The following FER variants were observed in gnomAD, a reference collection of about 807,000 sequenced individuals.
The protein encoded by FER is FER tyrosine kinase.
FER carries 63 observed loss-of-function variants against 111.0 expected under a neutral mutation model. The observed-to-expected ratio is 0.57, with a 90% CI of 0.46 to 0.70. FER has a LOEUF of 0.70. FER is among the 30% of genes least tolerant of loss of function. The pLI is 0.00. For missense variants in FER, 914 were observed against 954.0 expected (o/e 0.96, Z 0.55); for synonymous variants, 327 against 313.9 (o/e 1.04, Z -0.44).
chr5:108,907,254 C>T (rs1750913289), intron 10 of FER, among the ~76,000 whole-genome samples: 1 of 151,816 alleles, frequency 6.6e-6, no homozygotes, highest in South Asian at 2.1e-4. Flanking sequence ...TTCCTCCCTC[C>T]TCTGCCTTCT....
At chr5:109,144,219 G>A (rs1468305428) in intron 17 of FER, among the ~76,000 whole-genome samples, 1 of 151,996 alleles carries the variant, frequency 6.6e-6, no homozygotes, top group Non-Finnish European at 1.5e-5. Flanking sequence ...TTTACCAATA[G>A]GTTTTTTTAA....
intron 17 of FER, among the ~76,000 whole-genome samples, chr5:109,135,426 C>T (rs1231412590): frequency 2.6e-5 from 4 of 152,198 alleles, no homozygotes; most frequent in Non-Finnish European, 5.9e-5. Context: ...TCCAAGTTTA[C>T]GCTCTTAATA....
chr5:109,008,099 A>G (rs1581624977), intron 13 of FER, among the ~76,000 whole-genome samples: 1 of 152,198 alleles, frequency 6.6e-6, no homozygotes, highest in African/African-American at 2.4e-5. Flanking sequence ...TTTGACAACC[A>G]CAGAAAGACA....
chr5:109,050,181 C>T (rs139268925), intron 16 of FER, among the ~76,000 whole-genome samples: 378 of 150,642 alleles, frequency 2.5e-3, no homozygotes, highest in African/African-American at 8.6e-3. Flanking sequence ...TCAGTAATAG[C>T]ATTACTGCTA....
chr5:109,098,654 T>A (rs1282440401), intron 16 of FER, among the ~76,000 whole-genome samples: 5 of 151,714 alleles, frequency 3.3e-5, no homozygotes, highest in African/African-American at 1.2e-4. Flanking sequence ...CCTATTAAAG[T>A]TGATAAATTA....
intron 17 of FER, among the ~76,000 whole-genome samples, chr5:109,107,518 G>T (rs72796571): frequency 0.32 from 48,647 of 151,768 alleles, 7,959 homozygotes; most frequent in Non-Finnish European, 0.37. Context: ...AGTGTCTGTT[G>T]TTCCATTCTT....
intron 13 of FER, among the ~76,000 whole-genome samples, chr5:108,990,623 G>A (rs1463844359): frequency 2.0e-5 from 3 of 151,668 alleles, no homozygotes; most frequent in Non-Finnish European, 3.0e-5. Flanking sequence ...TATTTGGGAA[G>A]TATTAATAGG....
At chr5:108,820,032 T>C in intron 3 of FER, 5 of 984,828 alleles carry the variant, frequency 5.1e-6, no homozygotes, top group Non-Finnish European at 6.0e-6. Flanking sequence ...GTCTAGGACA[T>C]GGAAAGGGAA....
chr5:108,921,048 C>G (rs922165309), intron 10 of FER, among the ~76,000 whole-genome samples: 1 of 152,016 alleles, frequency 6.6e-6, no homozygotes, highest in African/African-American at 2.4e-5. Flanking sequence ...TTCGTATGAC[C>G]AACTGCCTTC....
intron 3 of FER, among the ~76,000 whole-genome samples, chr5:108,813,554 C>T (rs1757977929): frequency 6.6e-6 from 1 of 151,998 alleles, no homozygotes; most frequent in Non-Finnish European, 1.5e-5. Flanking sequence ...TTACAGTTTA[C>T]TATGCTGTAT....
In FER at chr5:109,109,441, AC is replaced by A. The variant is rs781556476; in HGVS notation, c.2048+8923del. Reference sequence around the variant, plus strand: ...GGACATTGACTTTATTTTGTCCATTACTTAGTACTCAATACAGAGCTTCTAG... The same window carrying A: ...GGACATTGACTTTATTTTGTCCATTATTAGTACTCAATACAGAGCTTCTAG... On this transcript the variant is annotated intron_variant, in intron 17 of 19. Transcript: ENST00000281092. Among the ~76,000 whole-genome samples the A allele has an allele frequency of 1.1e-4, 17 of 152,194 alleles. No homozygotes were observed. In the South Asian group the frequency reaches 3.5e-3, roughly 32 times the overall value.
chr5:108,882,695 T>A (rs1201013796), intron 8 of FER, among the ~76,000 whole-genome samples: 2 of 151,938 alleles, frequency 1.3e-5, no homozygotes, highest in Admixed American at 6.6e-5. Context: ...CTTTTTTGTC[T>A]TTTGGGTTTC....
chr5:108,947,565 G>A (rs538173632), intron 11 of FER, among the ~76,000 whole-genome samples: 4 of 151,984 alleles, frequency 2.6e-5, no homozygotes, highest in Admixed American at 6.6e-5. Context: ...TGAGTTGTAA[G>A]AGTATATATT....
intron 17 of FER, among the ~76,000 whole-genome samples, chr5:109,146,039 C>G (rs1196779537): frequency 1.3e-5 from 2 of 150,520 alleles, no homozygotes; most frequent in Non-Finnish European, 3.0e-5. Context: ...GATGACATAC[C>G]AGGCAACCAA....
intron 17 of FER, among the ~76,000 whole-genome samples, chr5:109,113,802 T>G (rs535616511): frequency 6.6e-6 from 1 of 152,170 alleles, no homozygotes; most frequent in African/African-American, 2.4e-5. Flanking sequence ...CCTTTATAAA[T>G]GCTTACTCAT....
intron 13 of FER, among the ~76,000 whole-genome samples, chr5:109,034,925 T>C (rs1468656011): frequency 1.3e-5 from 2 of 152,030 alleles, no homozygotes; most frequent in African/African-American, 4.8e-5. Flanking sequence ...AAAGTACAGC[T>C]CTTTTATTTT....
At chr5:109,153,302 A>G (rs1054376895) in intron 17 of FER, among the ~76,000 whole-genome samples, 4 of 151,948 alleles carry the variant, frequency 2.6e-5, no homozygotes, top group Non-Finnish European at 5.9e-5. Flanking sequence ...CAATATAGTT[A>G]CATCTTCTGG....
intron 9 of FER, among the ~76,000 whole-genome samples, chr5:108,896,976 G>T (rs1749229920): frequency 6.6e-6 from 1 of 152,174 alleles, no homozygotes; most frequent in Non-Finnish European, 1.5e-5. Context: ...CAATGTGGGT[G>T]AATTAGTTTG....
At chr5:108,854,852 C>T (rs564473943) in intron 5 of FER, among the ~76,000 whole-genome samples, 1 of 146,056 alleles carries the variant, frequency 6.8e-6, no homozygotes, top group African/African-American at 2.5e-5. Context: ...GCTGAGGCAC[C>T]AGAATTGCCT....
Sources: allele counts gnomAD v4.1 joint callset (sites outside exome capture counted in the v4.1 genomes callset), GRCh38; gene constraint gnomAD v4.1.1; transcripts MANE v1.5; gene names NCBI Gene and HGNC (gene_info 2026-07-23, HGNC 2026-07-21).